Variants in KCNN3 observed in about 807,000 individuals in gnomAD.
KCNN3 encodes small conductance calcium-activated potassium channel protein 3.
KCNN3 carries 16 observed loss-of-function variants against 62.9 expected under a neutral mutation model. The ratio of observed to expected loss-of-function variants is 0.25; its 90% CI spans 0.17 to 0.39. KCNN3 has a LOEUF of 0.39. KCNN3 is among the 10% of genes least tolerant of loss of function. The pLI, the probability that KCNN3 is intolerant of heterozygous loss-of-function variation, is 1.00. For synonymous variants in KCNN3, 370 were observed against 389.2 expected (o/e 0.95, Z 0.58); for missense variants, 599 against 949.4 (o/e 0.63, Z 4.85).
At chr1:154,820,235 G>T (rs1258464894) in intron 2 of KCNN3, among the ~76,000 whole-genome samples, 1 of 152,338 alleles carries the variant, frequency 6.6e-6, no homozygotes, top group East Asian at 1.9e-4. Flanking sequence ...AGCTAGGGCT[G>T]CAGGCCCTGG....
At chr1:154,789,944 C>T (rs1279937039) in intron 2 of KCNN3, among the ~76,000 whole-genome samples, 1 of 152,130 alleles carries the variant, frequency 6.6e-6, no homozygotes, top group Non-Finnish European at 1.5e-5. Context: ...CTCGCTCTGT[C>T]GCCCAGGCTG....
chr1:154,861,776 C>G (rs1373601226), intron 1 of KCNN3, among the ~76,000 whole-genome samples: 3 of 152,224 alleles, frequency 2.0e-5, no homozygotes, highest in Admixed American at 2.0e-4. Context: ...CGGACTGTGG[C>G]TGCTCATCCT....
Position 154,869,273 on chromosome 1 carries a change from T to A in KCNN3, c.692A>T (p.Gln231Leu), listed in dbSNP as rs778033980. ...ISSREDNHAH[Q>L]TLLHHPNATH... is the part of the protein sequence containing the mutation. Reference sequence around the variant, plus strand: ...GGCATTAGGGTGATGGAGCAGGGTCTGGTGGGCATGGTTGTCCTCCCGGGA... The same window carrying A: ...GGCATTAGGGTGATGGAGCAGGGTCAGGTGGGCATGGTTGTCCTCCCGGGA... The change falls in exon 1 of 8, where the codon CAG becomes CTG. Residue 231 changes from glutamine (Q) to leucine (L), a missense_variant. Gln to Leu is a moderately radical substitution (Grantham distance 113, BLOSUM62 -2). Around this residue, in one of 7 missense-constraint regions of KCNN3, gnomAD observed 80 missense variants for 85.4 expected, o/e 0.94. Coordinates refer to ENST00000271915, the MANE Select transcript of KCNN3 (RefSeq NM_002249.6). The surrounding 1 kb of genome is among the most constrained non-coding windows in gnomAD (Gnocchi z 6.1). 4 of 1,613,874 alleles carry A rather than the reference T, an allele frequency of 2.5e-6. No homozygotes were observed. Among genetic ancestry groups the A allele is most frequent in the Non-Finnish European group, 3.4e-6 (4 of 1,179,920 alleles).
intron 1 of KCNN3, among the ~76,000 whole-genome samples, chr1:154,841,351 G>A (rs1214465087): frequency 4.6e-5 from 7 of 152,166 alleles, no homozygotes; most frequent in East Asian, 1.9e-4. Context: ...CAAACTTTGC[G>A]GCACATTAGT....
chr1:154,775,916 C>T (rs1254979083), intron 2 of KCNN3, among the ~76,000 whole-genome samples: 1 of 152,212 alleles, frequency 6.6e-6, no homozygotes, highest in East Asian at 1.9e-4. Context: ...AATAAAGAAT[C>T]GCATCTGGTT....
chr1:154,767,211 T>G (rs1487722654), intron 3 of KCNN3, among the ~76,000 whole-genome samples: 2 of 152,132 alleles, frequency 1.3e-5, no homozygotes, highest in African/African-American at 4.8e-5. Flanking sequence ...CCACAAATTG[T>G]TTTTCTCCTG....
At chr1:154,823,939 T>G (rs1192050858) in intron 1 of KCNN3, among the ~76,000 whole-genome samples, 1 of 152,168 alleles carries the variant, frequency 6.6e-6, no homozygotes, top group Non-Finnish European at 1.5e-5. Flanking sequence ...GGAATGAAAG[T>G]GCTCTCCCTG....
chr1:154,811,507 G>C (rs1480186863), intron 2 of KCNN3, among the ~76,000 whole-genome samples: 1 of 152,198 alleles, frequency 6.6e-6, no homozygotes, highest in East Asian at 1.9e-4. Context: ...CTTGGACCCA[G>C]GTCTACGGAC....
At chr1:154,782,858 CCAGCCTGCTAAG>C (rs1649107099) in intron 2 of KCNN3, among the ~76,000 whole-genome samples, 1 of 152,224 alleles carries the variant, frequency 6.6e-6, no homozygotes, top group South Asian at 2.1e-4. Flanking sequence ...CTTTCACCTG[CCAGCCTGCTAAG>C]CAGGCACTCT....
chr1:154,861,312 G>A (rs559363615), intron 1 of KCNN3, among the ~76,000 whole-genome samples: 1 of 152,186 alleles, frequency 6.6e-6, no homozygotes, highest in East Asian at 1.9e-4. Context: ...CAGGTCTTCG[G>A]GGCCTGAGTG....
chr1:154,778,460 CG>C (rs1388965158), intron 2 of KCNN3, among the ~76,000 whole-genome samples: 1 of 152,098 alleles, frequency 6.6e-6, no homozygotes, highest in Non-Finnish European at 1.5e-5. Flanking sequence ...CAGCAGCGCC[CG>C]GAAGGCATGC....
chr1:154,713,236 C>A (rs532633007), intron 7 of KCNN3, among the ~76,000 whole-genome samples: 3 of 152,284 alleles, frequency 2.0e-5, no homozygotes, highest in African/African-American at 7.2e-5. Context: ...CACACCTGAG[C>A]GATTTCACTT....
chr1:154,753,392 C>T (rs976091106), intron 3 of KCNN3, among the ~76,000 whole-genome samples: 1 of 152,158 alleles, frequency 6.6e-6, no homozygotes, highest in Non-Finnish European at 1.5e-5. Flanking sequence ...AATCACAATT[C>T]CTTTCCTAGG....
At chr1:154,834,989 G>A (rs1415276530) in intron 1 of KCNN3, among the ~76,000 whole-genome samples, 6 of 152,232 alleles carry the variant, frequency 3.9e-5, no homozygotes, top group South Asian at 2.1e-4. Context: ...CAGAACTCCC[G>A]GTCCTGACCA....
intron 6 of KCNN3, among the ~76,000 whole-genome samples, chr1:154,714,638 T>A (rs1700195715): frequency 7.0e-6 from 1 of 142,458 alleles, no homozygotes; most frequent in Non-Finnish European, 1.5e-5. Context: ...TGTGTGTGTG[T>A]GTGTGTGTGT....
intron 1 of KCNN3, among the ~76,000 whole-genome samples, chr1:154,838,038 C>G (rs1282875954): frequency 6.6e-6 from 1 of 152,192 alleles, no homozygotes; most frequent in Admixed American, 6.5e-5. Context: ...AGGACTCACC[C>G]CTCTCCCTCC....
At chr1:154,854,350 G>C (rs187206895) in intron 1 of KCNN3, among the ~76,000 whole-genome samples, 210 of 152,270 alleles carry the variant, frequency 1.4e-3, no homozygotes, top group Non-Finnish European at 2.5e-3. Flanking sequence ...GATTGTTATT[G>C]ATGATGACAA....
chr1:154,763,819 C>A (rs78829073), intron 3 of KCNN3, among the ~76,000 whole-genome samples: 2,439 of 152,222 alleles, frequency 0.016, 72 homozygotes, highest in African/African-American at 0.056. Flanking sequence ...TCCCTGGATG[C>A]TTAAAAAGAA....
chr1:154,779,529 T>C (rs1329668964), intron 2 of KCNN3, among the ~76,000 whole-genome samples: 1 of 152,220 alleles, frequency 6.6e-6, no homozygotes, highest in Non-Finnish European at 1.5e-5. Context: ...ATTTGAGATA[T>C]CAAAGAATAA....
Sources: allele counts gnomAD v4.1 joint callset (sites outside exome capture counted in the v4.1 genomes callset), GRCh38; gene constraint gnomAD v4.1.1; regional missense constraint gnomAD v4.1.1; non-coding constraint Gnocchi (gnomAD v3.1); transcripts MANE v1.5; gene names NCBI Gene and HGNC (gene_info 2026-07-23, HGNC 2026-07-21).